Variants in TRIM5 observed in about 807,000 individuals in gnomAD.
The protein encoded by TRIM5 is tripartite motif-containing protein 5.
A neutral mutation model predicts 35.6 loss-of-function variants in TRIM5; 31 were observed. The ratio of observed to expected loss-of-function variants is 0.87; its 90% confidence interval spans 0.65 to 1.18. The LOEUF (loss-of-function observed/expected upper bound fraction) is 1.18. Ranked by LOEUF, TRIM5 falls within the 50% of genes most tolerant of loss-of-function variation. The pLI is 0.00. For missense variants in TRIM5, 609 were observed against 591.6 expected (o/e 1.03, Z -0.31); for synonymous variants, 243 against 215.6 (o/e 1.13, Z -1.11).
the TRIM5 span, among the ~76,000 whole-genome samples, chr11:5,627,091 G>A: frequency 1.2e-3 from 177 of 152,180 alleles, 3 homozygotes; most frequent in South Asian, 0.035. Flanking sequence ...AAGAAGGACA[G>A]TGATGGGTGG....
At chr11:5,630,401 C>T in the TRIM5 span, among the ~76,000 whole-genome samples, 1 of 152,264 alleles carries the variant, frequency 6.6e-6, no homozygotes, top group South Asian at 2.1e-4. Context: ...TCCTCCCATC[C>T]CTGCCCCCAC....
chr11:5,589,475 T>G, the TRIM5 span: 6 of 152,118 alleles, frequency 3.9e-5, no homozygotes, highest in African/African-American at 1.4e-4. Flanking sequence ...TCATTGCAAG[T>G]TTTTCTGATC....
At chr11:5,594,979 G>C in the TRIM5 span, among the ~76,000 whole-genome samples, 1 of 152,156 alleles carries the variant, frequency 6.6e-6, no homozygotes, top group Admixed American at 6.6e-5. Flanking sequence ...AGGGTGATCT[G>C]AAATAACCTT....
chr11:5,642,878 C>A, the TRIM5 span: 3 of 1,612,748 alleles, frequency 1.9e-6, no homozygotes, highest in Non-Finnish European at 2.5e-6. Flanking sequence ...AACTGTTTTC[C>A]AATTACCTTT....
the TRIM5 span, chr11:5,645,823 A>G: frequency 4.3e-6 from 1 of 231,372 alleles, no homozygotes; most frequent in Non-Finnish European, 7.9e-6. Flanking sequence ...TGAGACTTTT[A>G]CCCAGATGTG....
the TRIM5 span, chr11:5,610,604 C>G: frequency 8.1e-6 from 13 of 1,600,274 alleles, no homozygotes; most frequent in East Asian, 2.9e-4. Flanking sequence ...ACATTCTGAT[C>G]TCCTTTCACA....
the TRIM5 span, among the ~76,000 whole-genome samples, chr11:5,629,833 G>A: frequency 6.6e-6 from 1 of 152,022 alleles, no homozygotes; most frequent in Non-Finnish European, 1.5e-5. Context: ...TTAGCCTCCC[G>A]AGTAGCTGGG....
the TRIM5 span, chr11:5,634,614 CTT>C: frequency 6.2e-6 from 10 of 1,604,776 alleles, no homozygotes; most frequent in Middle Eastern, 1.7e-4. Context: ...ACAACTCTCT[CTT>C]GTCCATCCTT....
chr11:5,677,446 T>A lies in TRIM5; in HGVS notation c.744+758A>T, dbSNP rs1053028426. Among the ~76,000 whole-genome samples the A allele has an allele frequency of 5.7e-4, 86 of 152,162 alleles. 1 individual carries two copies. The highest frequency in any genetic ancestry group is 1.8e-3 in the African/African-American group (74 of 41,512). On this transcript the variant is annotated intron_variant, in intron 4 of 7. Transcript: ENST00000380034. The stretch of plus-strand genomic sequence containing the variant: ...TTAGAATGGCAATCATTAAAAAGTC[T>A]GGAAACAACAGGTGCTGGAGAGGAT...
chr11:5,652,812 T>C, the TRIM5 span, among the ~76,000 whole-genome samples: 1 of 152,090 alleles, frequency 6.6e-6, no homozygotes, highest in Admixed American at 6.6e-5. Flanking sequence ...AGAATGTTTT[T>C]CCATTTGTTT....
chr11:5,645,876 A>AT, the TRIM5 span: 508 of 147,216 alleles, frequency 3.5e-3, 3 homozygotes, highest in Non-Finnish European at 4.4e-3. Context: ...GGAAAAAAAA[A>AT]AAAAATATAT....
chr11:5,596,352 C>G, the TRIM5 span, among the ~76,000 whole-genome samples: 92 of 152,170 alleles, frequency 6.0e-4, no homozygotes, highest in African/African-American at 2.1e-3. Flanking sequence ...AGAAGAGGCA[C>G]CTTTGCAGCT....
chr11:5,667,915 C>T (rs34080219), intron 4 of TRIM5, among the ~76,000 whole-genome samples: 1 of 152,094 alleles, frequency 6.6e-6, no homozygotes, highest in Non-Finnish European at 1.5e-5. Context: ...GTAGAAATAG[C>T]TTTCATCCCT....
the TRIM5 span, chr11:5,610,502 A>C: frequency 1.2e-6 from 2 of 1,614,036 alleles, no homozygotes; most frequent in Non-Finnish European, 1.7e-6. Flanking sequence ...AGTTGGTCCT[A>C]TTCAACATTA....
At chr11:5,622,702 CAG>C in the TRIM5 span, among the ~76,000 whole-genome samples, 1 of 152,170 alleles carries the variant, frequency 6.6e-6, no homozygotes, top group East Asian at 1.9e-4. Context: ...GTCATCCACA[CAG>C]AACTGATGGG....
At chr11:5,660,780 C>T (rs181302221), downstream of TRIM5, among the ~76,000 whole-genome samples, 220 of 151,966 alleles carry the variant, frequency 1.4e-3, 1 homozygote, top group Admixed American at 5.8e-3. Context: ...CAGTGGCTCA[C>T]GCCTGTAATC....
chr11:5,622,643 A>G, the TRIM5 span, among the ~76,000 whole-genome samples: 4 of 152,112 alleles, frequency 2.6e-5, no homozygotes, highest in African/African-American at 9.7e-5. Flanking sequence ...ACAAATAAAA[A>G]AAACCGGAAA....
chr11:5,648,828 C>T, the TRIM5 span, among the ~76,000 whole-genome samples: 8 of 152,242 alleles, frequency 5.3e-5, no homozygotes, highest in South Asian at 1.2e-3. Flanking sequence ...TGTTTTAAAA[C>T]GTTAAATAAT....
the TRIM5 span, chr11:5,590,231 T>G: frequency 5.9e-6 from 1 of 168,250 alleles, no homozygotes; most frequent in Non-Finnish European, 1.3e-5. Flanking sequence ...GGGCGCCCAG[T>G]CCCATCGACC....
Sources: gnomAD v4.1 joint callset for allele counts (sites outside exome capture counted in the v4.1 genomes callset) on GRCh38, gnomAD v4.1.1 for gene constraint, MANE v1.5 for transcripts, NCBI Gene and HGNC (gene_info 2026-07-23, HGNC 2026-07-21) for gene names.